PWWP2A: variants seen among roughly 807,000 people sequenced by gnomAD.
The protein encoded by PWWP2A is PWWP domain containing 2A.
A neutral mutation model predicts 48.5 loss-of-function variants in PWWP2A; 18 were observed. The ratio of observed to expected loss-of-function variants is 0.37; its 90% confidence interval spans 0.26 to 0.55. The LOEUF (loss-of-function observed/expected upper bound fraction) is 0.55. Ranked by LOEUF, PWWP2A falls within the 20% of genes least tolerant of loss-of-function variation. The probability of loss-of-function intolerance (pLI) is 0.81; values close to 1 mark genes in which losing one functional copy is unlikely to be tolerated. For synonymous variants in PWWP2A, 396 were observed against 387.7 expected (o/e 1.02, Z -0.25); for missense variants, 867 against 976.4 (o/e 0.89, Z 1.49).
downstream of PWWP2A, among the ~76,000 whole-genome samples, chr5:160,074,805 TA>T (rs1753829321): frequency 6.7e-6 from 1 of 149,288 alleles, no homozygotes; most frequent in Admixed American, 6.7e-5. Context: ...CTTATTCTGA[TA>T]AAAGAATCAT....
Position 160,098,692 on chromosome 5 carries a change from CTAACCTAT to C in PWWP2A, c.585-4635_585-4628del, listed in dbSNP as rs1379622016. 8.5e-5 allele frequency among the ~76,000 whole-genome samples: 13 copies of C among 152,292 alleles called. No homozygotes were observed. The South Asian group carries it at 2.5e-3, about 29-fold the overall frequency. ...AGTAGGCTAAAATGTTTGAGAACCACTAACCTATGAAACTATAAACTTAATAAGAATAT... is the reference window on the plus strand; with the variant it reads ...AGTAGGCTAAAATGTTTGAGAACCACGAAACTATAAACTTAATAAGAATAT... On this transcript the variant is annotated intron_variant, in intron 1 of 1. Coordinates refer to ENST00000307063, the MANE Select transcript of PWWP2A (RefSeq NM_001130864.2).
the PWWP2A span, among the ~76,000 whole-genome samples, chr5:160,047,055 A>G: frequency 6.6e-6 from 1 of 152,180 alleles, no homozygotes; most frequent in Admixed American, 6.5e-5. Flanking sequence ...AAGGGAAACA[A>G]AAGGAGTATT....
At chr5:160,051,045 T>C in the PWWP2A span, 14 of 1,091,040 alleles carry the variant, frequency 1.3e-5, no homozygotes, top group Non-Finnish European at 1.7e-5. Flanking sequence ...TTAGGATTCT[T>C]GTGTTTCTCA....
chr5:160,064,791 C>T, intron 4 of PWWP2A: 1 of 906,612 alleles, frequency 1.1e-6, no homozygotes, highest in Non-Finnish European at 1.6e-6. Context: ...TGGAAGCTTT[C>T]ATCATATTAA....
chr5:160,116,411 G>A (rs1009983013), intron 1 of PWWP2A, among the ~76,000 whole-genome samples: 3 of 152,008 alleles, frequency 2.0e-5, no homozygotes, highest in Non-Finnish European at 1.5e-5. Flanking sequence ...AGCCGAGATC[G>A]CATCACTGCA....
chr5:160,084,192 C>A (rs1754449659), intron 2 of PWWP2A, among the ~76,000 whole-genome samples: 1 of 151,996 alleles, frequency 6.6e-6, no homozygotes, highest in Non-Finnish European at 1.5e-5. Flanking sequence ...TTTAAATATT[C>A]TTTTAAATTC....
chr5:160,080,348 G>A (rs1271465798), intron 3 of PWWP2A, among the ~76,000 whole-genome samples: 1 of 152,140 alleles, frequency 6.6e-6, no homozygotes, highest in African/African-American at 2.4e-5. Flanking sequence ...AGACTCAGTT[G>A]CTATTTGACA....
chr5:160,094,329 C>T (rs1755393961), intron 1 of PWWP2A, among the ~76,000 whole-genome samples: 1 of 152,196 alleles, frequency 6.6e-6, no homozygotes, highest in Admixed American at 6.5e-5. Flanking sequence ...GTAGATATTT[C>T]CAGTCTTGAA....
rs540602108 is a variant in PWWP2A at position 160,085,599 on chromosome 5, C to T, written c.1550-4829G>A. Among the ~76,000 whole-genome samples the T allele has an allele frequency of 2.7e-5, 4 of 148,654 alleles. No homozygotes were observed. The East Asian group carries it at 6.0e-4, about 22-fold the overall frequency. On this transcript the variant is annotated intron_variant, in intron 2 of 3. Coordinates refer to the PWWP2A transcript ENST00000456329. ...TCGGCTCACTGCAACCTCTGCCTCCCGGGTTCAAGCAATTCTCTTGCCTCA... is the reference window on the plus strand; with the variant it reads ...TCGGCTCACTGCAACCTCTGCCTCCTGGGTTCAAGCAATTCTCTTGCCTCA...
At chr5:160,072,708 A>G (rs1189165308), downstream of PWWP2A, among the ~76,000 whole-genome samples, 1 of 152,132 alleles carries the variant, frequency 6.6e-6, no homozygotes, top group Non-Finnish European at 1.5e-5. Flanking sequence ...CAGCCTGGGC[A>G]ACAGAGCGAG....
At chr5:160,083,075 A>G (rs1470378577) in intron 2 of PWWP2A, among the ~76,000 whole-genome samples, 3 of 152,240 alleles carry the variant, frequency 2.0e-5, no homozygotes, top group Admixed American at 6.5e-5. Flanking sequence ...TTCTTAATAC[A>G]GTAAAGCATG....
chr5:160,110,863 T>G (rs1757489936), intron 1 of PWWP2A, among the ~76,000 whole-genome samples: 1 of 148,724 alleles, frequency 6.7e-6, no homozygotes, highest in Non-Finnish European at 1.5e-5. Flanking sequence ...GAAATCCGTC[T>G]CTACTAAAAA....
chr5:160,054,005 A>T, the PWWP2A span, among the ~76,000 whole-genome samples: 1 of 152,202 alleles, frequency 6.6e-6, no homozygotes, highest in South Asian at 2.1e-4. Flanking sequence ...TGATCACAGA[A>T]GATGATCGTG....
downstream of PWWP2A, among the ~76,000 whole-genome samples, chr5:160,057,248 A>G (rs2113410867): frequency 6.6e-6 from 1 of 152,214 alleles, no homozygotes; most frequent in East Asian, 1.9e-4. This position sits in a 1 kb window ranked among gnomAD's most constrained non-coding sequence, Gnocchi z 4.4. Context: ...CCTCGAATTT[A>G]CCCAAGGTCA....
At position 160,093,985 on chromosome 5, in the gene PWWP2A, CT is replaced by C; in HGVS notation, c.664del (p.Ser222ValfsTer30). ...TTCTGTCCCTTCTTGGAATGTATTACTTTGGAGCGGCATGGCTTCTGGTTTA... is the reference window on the plus strand; with the variant it reads ...TTCTGTCCCTTCTTGGAATGTATTACTTGGAGCGGCATGGCTTCTGGTTTA... Reference protein sequence around the residue: ...KDKPEAMPLQSNTFQEGTEVK... With the variant: ...KDKPEAMPLQXNTFQEGTEVK... On this transcript the variant is annotated frameshift_variant, in exon 2 of 2. Coordinates refer to ENST00000307063, the MANE Select transcript of PWWP2A (RefSeq NM_001130864.2). LOFTEE classifies it high-confidence loss of function. The surrounding 1 kb of genome is among the most constrained non-coding windows in gnomAD (Gnocchi z 5.8). 1 of 1,614,024 alleles carries C rather than the reference CT, an allele frequency of 6.2e-7. No homozygotes were observed. The highest frequency in any genetic ancestry group is 8.5e-7 in the Non-Finnish European group (1 of 1,179,888).
At chr5:160,117,379 G>A (rs370632636) in intron 1 of PWWP2A, among the ~76,000 whole-genome samples, 7 of 152,238 alleles carry the variant, frequency 4.6e-5, no homozygotes, top group South Asian at 2.1e-4. Context: ...TTGAGGCCGG[G>A]CACGGCGGCT....
intron 1 of PWWP2A, chr5:160,113,166 A>G: frequency 1.0e-6 from 1 of 957,268 alleles, no homozygotes; most frequent in Non-Finnish European, 1.2e-6. Flanking sequence ...GTCAAAAAAA[A>G]AAAAGAAAAA....
chr5:160,084,568 A>G (rs1009478091), intron 2 of PWWP2A, among the ~76,000 whole-genome samples: 2 of 151,630 alleles, frequency 1.3e-5, no homozygotes, highest in African/African-American at 4.9e-5. Flanking sequence ...AGCTGGGACT[A>G]CAGGCGTGCA....
chr5:160,090,065 T>C (rs945054924), downstream of PWWP2A: 10 of 985,318 alleles, frequency 1.0e-5, no homozygotes, highest in Non-Finnish European at 3.6e-6. Flanking sequence ...AGACTGCCAG[T>C]TTAAAACGAA....
Sources: allele counts gnomAD v4.1 joint callset (sites outside exome capture counted in the v4.1 genomes callset), GRCh38; gene constraint gnomAD v4.1.1; non-coding constraint Gnocchi (gnomAD v3.1); transcripts MANE v1.5; gene names NCBI Gene and HGNC (gene_info 2026-07-23, HGNC 2026-07-21).